MARCHF1: variants seen among roughly 807,000 people sequenced by gnomAD.
The protein encoded by MARCHF1 is membrane associated ring-CH-type finger 1.
In MARCHF1, 40 loss-of-function variants were observed where a neutral mutation model predicts 54.2. The observed-to-expected ratio is 0.74, with a 90% CI of 0.57 to 0.96. The LOEUF (loss-of-function observed/expected upper bound fraction) is 0.96. Ranked by LOEUF, MARCHF1 falls within the 40% of genes least tolerant of loss-of-function variation. MARCHF1 has a pLI of 0.00. For missense variants in MARCHF1, 586 were observed against 656.5 expected (o/e 0.89, Z 1.17); for synonymous variants, 236 against 236.3 (o/e 1.00, Z 0.01).
At chr4:163,933,325 G>A in intron 3 of MARCHF1, 1 of 537,244 alleles carries the variant, frequency 1.9e-6, no homozygotes, top group South Asian at 1.7e-5. Flanking sequence ...TATTCCACTT[G>A]GATTTCCTAT....
intron 2 of MARCHF1, among the ~76,000 whole-genome samples, chr4:164,108,348 C>T (rs905700063): frequency 2.6e-5 from 4 of 151,930 alleles, no homozygotes; most frequent in Non-Finnish European, 5.9e-5. Context: ...CTAAGTTTTA[C>T]CTGTATTTTG....
At position 163,536,568 on chromosome 4, in the gene MARCHF1, G is replaced by A. The variant is rs376659995; in HGVS notation, c.1340-7522C>T. ...GACGAGCACAGAATTTGTCTGGGCT[G>A]GACTTTGTTTTCCATAGTTCCTTGC... On this transcript the variant is annotated intron_variant, in intron 9 of 9. Transcript: ENST00000514618. Among the ~76,000 whole-genome samples, 99 of 152,176 alleles carry A rather than the reference G, an allele frequency of 6.5e-4. 1 individual carries two copies. The highest frequency in any genetic ancestry group is 5.0e-3 in the South Asian group (24 of 4,828).
chr4:163,677,177 A>G (rs1331919681), intron 5 of MARCHF1, among the ~76,000 whole-genome samples: 1 of 152,256 alleles, frequency 6.6e-6, no homozygotes, highest in Non-Finnish European at 1.5e-5. Flanking sequence ...TCAAGCAGAC[A>G]AAAAATAAGC....
In MARCHF1 at chr4:163,880,416, A is replaced by C. The variant is rs144344328; in HGVS notation, c.-38-26247T>G. On this transcript the variant is annotated intron_variant, in intron 3 of 9. Transcript: ENST00000514618. Reference sequence around the variant, plus strand: ...TGAATATTTAGAAAAATAACTTTAAAAGTAATATAAATATAATTTTTATTA... The same window carrying C: ...TGAATATTTAGAAAAATAACTTTAACAGTAATATAAATATAATTTTTATTA... Among the ~76,000 whole-genome samples, 75 of 151,020 alleles carry C rather than the reference A, an allele frequency of 5.0e-4. No homozygotes were observed. The East Asian group carries it at 0.014, about 28-fold the overall frequency.
intron 4 of MARCHF1, among the ~76,000 whole-genome samples, chr4:163,839,225 G>T (rs970837488): frequency 6.6e-6 from 1 of 151,802 alleles, no homozygotes; most frequent in Non-Finnish European, 1.5e-5. Flanking sequence ...ACAAGTGTTG[G>T]AAAAAAAGAA....
intron 4 of MARCHF1, among the ~76,000 whole-genome samples, chr4:163,787,062 T>A (rs1747642562): frequency 1.3e-5 from 2 of 151,902 alleles, no homozygotes; most frequent in South Asian, 4.1e-4. Flanking sequence ...TACCTTATAC[T>A]ATATACAAAA....
chr4:164,060,583 A>C (rs951180471), intron 2 of MARCHF1, among the ~76,000 whole-genome samples: 4 of 152,154 alleles, frequency 2.6e-5, no homozygotes, highest in Admixed American at 1.3e-4. Flanking sequence ...ATTGAATAAA[A>C]TAAGGATATT....
intron 4 of MARCHF1, among the ~76,000 whole-genome samples, chr4:163,726,320 T>C (rs560731991): frequency 6.6e-6 from 1 of 152,360 alleles, no homozygotes; most frequent in South Asian, 2.1e-4. Context: ...TTTTACTGTA[T>C]TCATAGTTTT....
chr4:164,014,611 A>G (rs1753498082), intron 2 of MARCHF1, among the ~76,000 whole-genome samples: 1 of 152,124 alleles, frequency 6.6e-6, no homozygotes, highest in Non-Finnish European at 1.5e-5. Flanking sequence ...GGAATCAATA[A>G]AAAACAAGAC....
intron 4 of MARCHF1, among the ~76,000 whole-genome samples, chr4:163,766,945 A>G (rs1746993770): frequency 6.6e-6 from 1 of 152,138 alleles, no homozygotes; most frequent in African/African-American, 2.4e-5. Flanking sequence ...ATAGAACTCC[A>G]GTCAATACCT....
chr4:163,531,851 T>C (rs1187078956), intron 9 of MARCHF1, among the ~76,000 whole-genome samples: 2 of 151,204 alleles, frequency 1.3e-5, no homozygotes, highest in African/African-American at 4.9e-5. Flanking sequence ...ACAAAAACAA[T>C]GACAACAACA....
At chr4:163,822,053 C>T (rs879269730) in intron 4 of MARCHF1, among the ~76,000 whole-genome samples, 37 of 151,880 alleles carry the variant, frequency 2.4e-4, no homozygotes, top group South Asian at 1.3e-3. Context: ...TTAAGTTTTG[C>T]CAAAACTTTT....
chr4:164,299,311 A>AG (rs1428552316), intron 1 of MARCHF1, among the ~76,000 whole-genome samples: 3 of 152,096 alleles, frequency 2.0e-5, no homozygotes, highest in South Asian at 4.1e-4. Context: ...TTAATGGAGG[A>AG]GAAAAAAAAC....
At chr4:163,873,857 G>A (rs771091086) in intron 3 of MARCHF1, among the ~76,000 whole-genome samples, 4 of 152,090 alleles carry the variant, frequency 2.6e-5, no homozygotes, top group East Asian at 1.9e-4. Context: ...GCTTTTATGC[G>A]TTTACCCTCA....
intron 1 of MARCHF1, among the ~76,000 whole-genome samples, chr4:164,153,292 C>G (rs935101390): frequency 6.6e-6 from 1 of 152,110 alleles, no homozygotes; most frequent in Non-Finnish European, 1.5e-5. Context: ...CACCTATTCT[C>G]TTTTTATCGA....
At chr4:164,139,209 C>T (rs1223125637) in intron 1 of MARCHF1, among the ~76,000 whole-genome samples, 1 of 151,934 alleles carries the variant, frequency 6.6e-6, no homozygotes, top group Non-Finnish European at 1.5e-5. Flanking sequence ...CACATGAACA[C>T]CATGTACCAG....
chr4:163,597,831 T>C (rs1333832603), intron 7 of MARCHF1, among the ~76,000 whole-genome samples: 1 of 152,306 alleles, frequency 6.6e-6, no homozygotes, highest in African/African-American at 2.4e-5. Context: ...GCAACTTTTG[T>C]AGCATTTTGT....
At chr4:163,634,298 T>C (rs1742226343) in intron 5 of MARCHF1, among the ~76,000 whole-genome samples, 1 of 149,702 alleles carries the variant, frequency 6.7e-6, no homozygotes, top group Non-Finnish European at 1.5e-5. Context: ...ACACACAGAC[T>C]GGCAAATTGG....
chr4:164,066,275 A>G (rs1448399019), intron 2 of MARCHF1, among the ~76,000 whole-genome samples: 1 of 152,222 alleles, frequency 6.6e-6, no homozygotes, highest in Admixed American at 6.5e-5. Flanking sequence ...AAAAAATTCA[A>G]CATCACTGAT....
Sources: allele counts gnomAD v4.1 joint callset (sites outside exome capture counted in the v4.1 genomes callset), GRCh38; gene constraint gnomAD v4.1.1; transcripts MANE v1.5; gene names NCBI Gene and HGNC (gene_info 2026-07-23, HGNC 2026-07-21).